NBEA: variants seen among roughly 807,000 people sequenced by gnomAD.
NBEA encodes neurobeachin.
Under a neutral mutation model 343.4 loss-of-function variants are expected in NBEA, and 44 were observed. That is an observed-to-expected ratio of 0.13 (90% CI 0.10 to 0.16). NBEA has a LOEUF of 0.16. Among genes scored for constraint, NBEA ranks in the 10% least tolerant of loss-of-function variants. NBEA has a pLI of 1.00. For missense variants in NBEA, 2,555 were observed against 3,631.3 expected (o/e 0.70, Z 7.62); for synonymous variants, 1,175 against 1,238.7 (o/e 0.95, Z 1.08).
At chr13:35,037,227 A>G (rs1047231493) in intron 1 of NBEA, among the ~76,000 whole-genome samples, 5 of 152,130 alleles carry the variant, frequency 3.3e-5, no homozygotes, top group African/African-American at 9.7e-5. Context: ...GAACTGCAGA[A>G]TTTCTGCTTG....
At chr13:35,410,064 G>A (rs1181338266) in intron 38 of NBEA, among the ~76,000 whole-genome samples, 2 of 152,012 alleles carry the variant, frequency 1.3e-5, no homozygotes, top group African/African-American at 4.8e-5. Context: ...AATCCAAAAT[G>A]TTTCAGAGAA....
chr13:35,484,891 T>C (rs898937825), intron 41 of NBEA, among the ~76,000 whole-genome samples: 1 of 152,078 alleles, frequency 6.6e-6, no homozygotes, highest in Non-Finnish European at 1.5e-5. Flanking sequence ...GGTGGTAGTA[T>C]TCTAAATTTT....
chr13:35,250,163 C>G (rs933335178), intron 34 of NBEA, among the ~76,000 whole-genome samples: 1 of 152,106 alleles, frequency 6.6e-6, no homozygotes, highest in African/African-American at 2.4e-5. Context: ...TTTAACACTA[C>G]TGAACTGTGT....
chr13:35,325,696 A>C (rs1477161803), intron 36 of NBEA, among the ~76,000 whole-genome samples: 1 of 152,086 alleles, frequency 6.6e-6, no homozygotes, highest in Non-Finnish European at 1.5e-5. Context: ...TGTATATAAC[A>C]TTCAAGACGA....
At chr13:35,514,289 GT>G (rs958557705) in intron 41 of NBEA, among the ~76,000 whole-genome samples, 2 of 152,112 alleles carry the variant, frequency 1.3e-5, no homozygotes, top group Non-Finnish European at 2.9e-5. Flanking sequence ...ACAGGGTTTT[GT>G]TTTTTAGCTG....
At chr13:35,190,484 GTGGCAAAGGGTGGAACATT>G (rs2072103727) in intron 30 of NBEA, among the ~76,000 whole-genome samples, 1 of 152,106 alleles carries the variant, frequency 6.6e-6, no homozygotes, top group African/African-American at 2.4e-5. Flanking sequence ...CACAGAGCCT[GTGGCAAAGGGTGGAACATT>G]TATTGGTTCA....
intron 47 of NBEA, 47 bp downstream of exon 47, chr13:35,593,494 G>A (rs771082519): frequency 6.5e-7 from 1 of 1,539,770 alleles, no homozygotes; most frequent in Admixed American, 2.0e-5. Context: ...AAAATATGTG[G>A]AAATTTTGAT....
chr13:35,368,932 C>T (rs758889797), intron 38 of NBEA, among the ~76,000 whole-genome samples: 9 of 151,650 alleles, frequency 5.9e-5, no homozygotes, highest in Non-Finnish European at 1.0e-4. Context: ...GTGTGGCTAA[C>T]AAGAATCCTC....
At chr13:35,033,858 C>T (rs933666599) in intron 1 of NBEA, among the ~76,000 whole-genome samples, 1 of 151,618 alleles carries the variant, frequency 6.6e-6, no homozygotes, top group Non-Finnish European at 1.5e-5. Flanking sequence ...GATTTTGTAT[C>T]CTGTAACTTT....
At chr13:35,578,694 TATC>T (rs552912855) in intron 45 of NBEA, among the ~76,000 whole-genome samples, 239 of 152,302 alleles carry the variant, frequency 1.6e-3, no homozygotes, top group African/African-American at 5.3e-3. Flanking sequence ...AAATATATAG[TATC>T]ATCAGCAGTT....
chr13:35,051,170 C>T (rs564171228), intron 6 of NBEA, among the ~76,000 whole-genome samples: 2 of 151,976 alleles, frequency 1.3e-5, no homozygotes, highest in Admixed American at 6.6e-5. Context: ...TAGGGGTACC[C>T]GTCACACATG....
chr13:35,520,757 G>A (rs2077672684), intron 41 of NBEA, among the ~76,000 whole-genome samples: 1 of 152,036 alleles, frequency 6.6e-6, no homozygotes, highest in Non-Finnish European at 1.5e-5. Context: ...ACAGTCTTCT[G>A]GCGTCTCACA....
intron 1 of NBEA, among the ~76,000 whole-genome samples, chr13:35,040,510 C>T (rs557146219): frequency 1.3e-5 from 2 of 151,320 alleles, no homozygotes; most frequent in African/African-American, 2.4e-5. Context: ...GAGATTATGC[C>T]CCAGTTATAT....
chr13:35,010,741 A>AAATATAT (rs1555275017), intron 1 of NBEA, among the ~76,000 whole-genome samples: 2 of 31,964 alleles, frequency 6.3e-5, no homozygotes, highest in African/African-American at 2.0e-4. Flanking sequence ...AAAAAAAAAA[A>AAATATAT]ATATATATAT....
intron 1 of NBEA, among the ~76,000 whole-genome samples, chr13:35,016,813 G>C (rs564021102): frequency 6.6e-6 from 1 of 152,224 alleles, no homozygotes; most frequent in African/African-American, 2.4e-5. Flanking sequence ...AGTCAGTCCT[G>C]CTAAGAGCCA....
At chr13:35,287,521 C>G (rs529028925) in intron 34 of NBEA, among the ~76,000 whole-genome samples, 1 of 152,134 alleles carries the variant, frequency 6.6e-6, no homozygotes, top group South Asian at 2.1e-4. Context: ...CTCTTATAGT[C>G]TATTCATCCA....
At chr13:35,068,173 G>A (rs2063726666) in intron 8 of NBEA, among the ~76,000 whole-genome samples, 1 of 151,902 alleles carries the variant, frequency 6.6e-6, no homozygotes, top group Admixed American at 6.6e-5. Context: ...CCTAAAACTT[G>A]TAGATTTATT....
chr13:35,096,383 A>G (rs952607874), intron 10 of NBEA, among the ~76,000 whole-genome samples: 4 of 151,702 alleles, frequency 2.6e-5, no homozygotes, highest in African/African-American at 9.7e-5. Flanking sequence ...TAATATTAAT[A>G]TTTCTGTTTT....
At chr13:35,277,338 T>G in intron 34 of NBEA, among the ~76,000 whole-genome samples, 1 of 151,888 alleles carries the variant, frequency 6.6e-6, no homozygotes, top group Admixed American at 6.6e-5. Context: ...AAAATCACAT[T>G]AGGCCGGGCG....
Sources: allele counts gnomAD v4.1 joint callset (sites outside exome capture counted in the v4.1 genomes callset), GRCh38; gene constraint gnomAD v4.1.1; transcripts MANE v1.5; gene names NCBI Gene and HGNC (gene_info 2026-07-23, HGNC 2026-07-21).